Variants in RBM20 observed in about 807,000 individuals in gnomAD.
RBM20 encodes the protein RNA-binding protein 20.
A neutral mutation model predicts 110.1 loss-of-function variants in RBM20; 51 were observed. The ratio of observed to expected loss-of-function variants is 0.46; its 90% CI spans 0.37 to 0.59. RBM20 has a LOEUF of 0.59. Among genes scored for constraint, RBM20 ranks in the 20% least tolerant of loss-of-function variants. The pLI, the probability that RBM20 is intolerant of heterozygous loss-of-function variation, is 0.00. For missense variants in RBM20, 1,512 were observed against 1,574.9 expected (o/e 0.96, Z 0.68); for synonymous variants, 589 against 618.2 (o/e 0.95, Z 0.70).
intron 1 of RBM20, among the ~76,000 whole-genome samples, chr10:110,680,198 G>C (rs867570790): frequency 6.6e-6 from 1 of 152,128 alleles, no homozygotes; most frequent in Non-Finnish European, 1.5e-5. Flanking sequence ...GTTCTTGGTG[G>C]GGGCGGAAGT....
At chr10:110,678,955 A>C (rs1204771543) in intron 1 of RBM20, among the ~76,000 whole-genome samples, 4 of 152,150 alleles carry the variant, frequency 2.6e-5, no homozygotes, top group Non-Finnish European at 5.9e-5. Flanking sequence ...CTTGGAGATA[A>C]AGAGGCTCTG....
At chr10:110,696,219 C>A (rs1261242114) in intron 1 of RBM20, among the ~76,000 whole-genome samples, 2 of 152,220 alleles carry the variant, frequency 1.3e-5, no homozygotes, top group Non-Finnish European at 2.9e-5. Flanking sequence ...TAGGAAGTCA[C>A]CATAGCTGGT....
intron 8 of RBM20, among the ~76,000 whole-genome samples, chr10:110,811,138 C>T (rs1264865484): frequency 6.6e-6 from 1 of 152,154 alleles, no homozygotes; most frequent in African/African-American, 2.4e-5. Flanking sequence ...CTGGCACGTC[C>T]TGGGGTTCTT....
chr10:110,785,005 C>T (rs1412402237), intron 5 of RBM20, 116 bp downstream of exon 5: 2 of 662,188 alleles, frequency 3.0e-6, no homozygotes, highest in Non-Finnish European at 5.2e-6. Flanking sequence ...TATCTCACTG[C>T]AGCCTTGAAC....
intron 11 of RBM20, 93 bp from the exon 12 acceptor site, chr10:110,823,387 T>A (rs951413579): frequency 4.8e-5 from 68 of 1,431,488 alleles, no homozygotes; most frequent in Middle Eastern, 1.8e-4. Context: ...AATCATACTA[T>A]GCAGGCATAG....
intron 1 of RBM20, among the ~76,000 whole-genome samples, chr10:110,670,476 C>T (rs1862240852): frequency 6.6e-6 from 1 of 152,194 alleles, no homozygotes; most frequent in African/African-American, 2.4e-5. Flanking sequence ...AAGCCCCAGA[C>T]ATTGGCTTCT....
At position 110,810,468 on chromosome 10, in the gene RBM20, G is replaced by T. The variant is rs1210149101; in HGVS notation, c.1880+6G>T. 2 of 1,545,442 alleles carry T rather than the reference G, an allele frequency of 1.3e-6. No individual in the cohort carries two copies. Among genetic ancestry groups the T allele is most frequent in the East Asian group, 2.4e-5 (1 of 40,900 alleles). ...ATGTTCCGGGAAGCAGACAGGTGAG[G>T]CCCCAAGCCCCAAGTCTCCAGGCAG... On this transcript the variant is annotated splice_donor_region_variant and intron_variant, in intron 8 of 13. Transcript: ENST00000369519.
At chr10:110,651,880 T>G (rs1215052894) in intron 1 of RBM20, among the ~76,000 whole-genome samples, 1 of 152,252 alleles carries the variant, frequency 6.6e-6, no homozygotes, top group East Asian at 1.9e-4. Context: ...TGCATCCTCC[T>G]GCGCTGGCAA....
intron 1 of RBM20, among the ~76,000 whole-genome samples, chr10:110,699,885 A>G (rs1488745033): frequency 6.6e-6 from 1 of 152,174 alleles, no homozygotes; most frequent in Non-Finnish European, 1.5e-5. Context: ...CTGCCGTATC[A>G]TCACCGTTTA....
intron 1 of RBM20, among the ~76,000 whole-genome samples, chr10:110,656,613 A>G (rs1862029880): frequency 6.6e-6 from 1 of 152,196 alleles, no homozygotes; most frequent in African/African-American, 2.4e-5. Flanking sequence ...CATACCTACT[A>G]AGCAGTTGCT....
intron 1 of RBM20, among the ~76,000 whole-genome samples, chr10:110,709,731 T>TA (rs1476659686): frequency 6.6e-6 from 1 of 151,822 alleles, no homozygotes; most frequent in Non-Finnish European, 1.5e-5. Context: ...CATGCCTGGC[T>TA]ATTTTGTTTT....
At chr10:110,831,458 C>T (rs181930004) in intron 13 of RBM20, 151 of 333,756 alleles carry the variant, frequency 4.5e-4, no homozygotes, top group Middle Eastern at 7.9e-4. Flanking sequence ...CTGTGTTGCT[C>T]CTAGCACATG....
At chr10:110,758,226 C>T (rs1843947397) in intron 1 of RBM20, among the ~76,000 whole-genome samples, 1 of 151,792 alleles carries the variant, frequency 6.6e-6, no homozygotes, top group African/African-American at 2.4e-5. Context: ...CCATGTTGCC[C>T]AGGCTGATCT....
At chr10:110,823,700 T>C in intron 12 of RBM20, 86 bp downstream of exon 12, 3 of 1,434,002 alleles carry the variant, frequency 2.1e-6, no homozygotes, top group East Asian at 2.5e-5. Flanking sequence ...GAGAGCTTTT[T>C]GGCATTTTGT....
At chr10:110,730,565 T>C (rs540719884) in intron 1 of RBM20, among the ~76,000 whole-genome samples, 7 of 152,374 alleles carry the variant, frequency 4.6e-5, no homozygotes, top group African/African-American at 1.4e-4. Context: ...GCTATTGACA[T>C]TGTGGCCTTG....
chr10:110,811,302 A>G (rs1220659542), intron 8 of RBM20, among the ~76,000 whole-genome samples: 2 of 152,180 alleles, frequency 1.3e-5, no homozygotes, highest in Non-Finnish European at 2.9e-5. Context: ...GTGTTTGGGA[A>G]CTTAATGAAA....
At chr10:110,816,358 C>T (rs1238165233) in intron 9 of RBM20, among the ~76,000 whole-genome samples, 1 of 149,036 alleles carries the variant, frequency 6.7e-6, no homozygotes, top group Non-Finnish European at 1.5e-5. Flanking sequence ...CAACCCATTC[C>T]TCTCCCTCCC....
rs184267430 is a variant in RBM20, at chr10:110,774,676, T to G, written c.192-6125T>G. ...GGTTTTTTGTTTGTTTGTTTTTTGT[T>G]GTTTTCTTTTTGTTTGTTTTGTTTT... On this transcript the variant is annotated intron_variant, in intron 1 of 13. Transcript: ENST00000369519. 5.3e-5 allele frequency among the ~76,000 whole-genome samples: 8 copies of G among 152,268 alleles called. No homozygotes were observed. The East Asian group carries it at 1.4e-3, about 26-fold the overall frequency.
intron 1 of RBM20, among the ~76,000 whole-genome samples, chr10:110,731,265 C>CA (rs1564828317): frequency 6.6e-6 from 1 of 152,002 alleles, no homozygotes; most frequent in African/African-American, 2.4e-5. Context: ...CAAATTCAAA[C>CA]AAAAAACAAG....
Sources: gnomAD v4.1 joint callset for allele counts (sites outside exome capture counted in the v4.1 genomes callset) on GRCh38, gnomAD v4.1.1 for gene constraint, MANE v1.5 for transcripts, NCBI Gene and HGNC (gene_info 2026-07-23, HGNC 2026-07-21) for gene names.